COG6: variants seen among roughly 807,000 people sequenced by gnomAD.
COG6 encodes the protein component of oligomeric golgi complex 6, also known as conserved oligomeric Golgi complex subunit 6.
Under a neutral mutation model 88.8 loss-of-function variants are expected in COG6, and 74 were observed. The ratio of observed to expected loss-of-function variants is 0.83; its 90% CI spans 0.69 to 1.01. The LOEUF (loss-of-function observed/expected upper bound fraction) is 1.01, where lower values mean the gene tolerates loss of function less well. Among genes scored for constraint, COG6 ranks in the 50% least tolerant of loss-of-function variants. The pLI is 0.00. For missense variants in COG6, 800 were observed against 797.9 expected (o/e 1.00, Z -0.03); for synonymous variants, 286 against 278.7 (o/e 1.03, Z -0.26).
At position 39,686,006 on chromosome 13, in the gene COG6, A is replaced by C. The variant is rs77967109; in HGVS notation, c.789-1497A>C. On this transcript the variant is annotated intron_variant, in intron 8 of 18. Coordinates refer to ENST00000455146, the MANE Select transcript of COG6 (RefSeq NM_020751.3). Reference sequence around the variant, plus strand: ...TCCTAAATATTTATAGCTATTTGCCAGTTCTACAGACTTTCTCTTTGATTT... The same window carrying C: ...TCCTAAATATTTATAGCTATTTGCCCGTTCTACAGACTTTCTCTTTGATTT... 4.2e-3 allele frequency among the ~76,000 whole-genome samples: 645 copies of C among 152,340 alleles called. 6 individuals carry two copies. The highest frequency in any genetic ancestry group is 0.015 in the African/African-American group (605 of 41,580).
rs748588137 is a variant in COG6, at chr13:39,751,854, A to G, written c.*761A>G. The G allele has an allele frequency of 2.7e-5, 35 of 1,287,150 alleles. No homozygotes were observed. In the South Asian group the frequency reaches 4.2e-4, roughly 15 times the overall value. 79.7% of individuals were successfully genotyped at this position (1,287,150 alleles called of 1,614,324 possible). A position where few individuals can be genotyped will look rare whatever the true frequency, so the allele number is the denominator to read the frequency against. On this transcript the variant is annotated 3_prime_UTR_variant, in exon 19 of 19. Coordinates refer to ENST00000455146, the MANE Select transcript of COG6 (RefSeq NM_020751.3). The stretch of plus-strand genomic sequence containing the variant: ...TTTCCAATGAGCTCTAAGCATGTAG[A>G]TAGCCTGAGCTGTGTCTAAGCCTGG...
chr13:39,726,591 A>G (rs888729125), intron 17 of COG6, among the ~76,000 whole-genome samples: 7 of 151,942 alleles, frequency 4.6e-5, no homozygotes, highest in African/African-American at 1.2e-4. Flanking sequence ...TATTATTGCA[A>G]TCTTCCATTC....
rs1443416369 is a variant in COG6, at chr13:39,719,151, A to G, written c.1285-85A>G. 11 of 1,332,614 alleles carry G rather than the reference A, an allele frequency of 8.3e-6. No homozygotes were observed. The African/African-American group carries it at 1.2e-4, about 14-fold the overall frequency. 82.5% of individuals were successfully genotyped at this position (1,332,614 alleles called of 1,614,324 possible). A position where few individuals can be genotyped will look rare whatever the true frequency, so the allele number is the denominator to read the frequency against. On this transcript the variant is annotated intron_variant, in intron 13 of 18. Coordinates refer to ENST00000455146, the MANE Select transcript of COG6 (RefSeq NM_020751.3). The stretch of plus-strand genomic sequence containing the variant: ...TGAGTCTGTGCTTTATAACTTTTAC[A>G]TTTTTTTTTACTATGAACTTACATT...
exon 19 of COG6, chr13:39,788,399 T>C: frequency 6.5e-7 from 1 of 1,547,750 alleles, no homozygotes; most frequent in Non-Finnish European, 8.7e-7. Flanking sequence ...CTGGAGCCAT[T>C]CCAGTTGTGG....
At chr13:39,731,719 AT>A (rs1167208445) in intron 18 of COG6, among the ~76,000 whole-genome samples, 3 of 152,124 alleles carry the variant, frequency 2.0e-5, no homozygotes, top group African/African-American at 7.2e-5. Context: ...TAATGGAGTA[AT>A]TTTTTTGAGA....
intron 18 of COG6, among the ~76,000 whole-genome samples, chr13:39,761,585 A>G (rs528120000): frequency 6.6e-6 from 1 of 152,106 alleles, no homozygotes; most frequent in African/African-American, 2.4e-5. Flanking sequence ...TAATCAATAG[A>G]GTGAAGAGAC....
At chr13:39,719,394 T>C (rs1321725737) in intron 14 of COG6, 27 bp downstream of exon 14, 1 of 1,605,620 alleles carries the variant, frequency 6.2e-7, no homozygotes, top group Non-Finnish European at 8.5e-7. Flanking sequence ...TTTTTAATGA[T>C]TGTTTTTTGC....
intron 3 of COG6, among the ~76,000 whole-genome samples, chr13:39,664,555 G>A (rs1348185160): frequency 1.3e-5 from 2 of 152,200 alleles, no homozygotes; most frequent in Admixed American, 1.3e-4. Context: ...GAATTGCTTA[G>A]AATGAAAGTT....
chr13:39,672,316 A>G (rs530094463), intron 4 of COG6, among the ~76,000 whole-genome samples: 3 of 152,014 alleles, frequency 2.0e-5, no homozygotes, highest in African/African-American at 7.2e-5. Flanking sequence ...ATAAAATTAA[A>G]GTATATAGTT....
At chr13:39,728,499 T>C (rs560190657) in intron 18 of COG6, among the ~76,000 whole-genome samples, 147 of 151,936 alleles carry the variant, frequency 9.7e-4, no homozygotes, top group African/African-American at 3.1e-3. Flanking sequence ...GACACAGAGT[T>C]AGGAAAGTTC....
At chr13:39,713,835 TCTC>T (rs1200566316) in intron 13 of COG6, among the ~76,000 whole-genome samples, 2 of 152,228 alleles carry the variant, frequency 1.3e-5, no homozygotes, top group East Asian at 1.9e-4. Context: ...GTGAGCTATT[TCTC>T]CTCCTTAGAT....
In COG6 at chr13:39,682,205, C is replaced by A; in HGVS notation, c.729C>A (p.Asp243Glu). 1 of 1,612,124 alleles carries A rather than the reference C, an allele frequency of 6.2e-7. No homozygotes were observed. The highest frequency in any genetic ancestry group is 8.5e-7 in the Non-Finnish European group (1 of 1,178,380). Residue 243 changes from aspartate (D) to glutamate (E), a missense_variant, in exon 8 of 19, where the codon GAC becomes GAA. Transcript: ENST00000455146. The stretch of plus-strand genomic sequence containing the variant: ...GAACATTGACACAAGAATCATGTGA[C>A]GTATCTCCAGTATTGACACAGGCAA... ...ECRTLTQESC[D>E]VSPVLTQAME...
At chr13:39,696,163 T>A (rs1877263137) in intron 12 of COG6, among the ~76,000 whole-genome samples, 1 of 1,582 alleles carries the variant, frequency 6.3e-4, no homozygotes, top group Admixed American at 0.014. Flanking sequence ...TAAAATCTTT[T>A]TTTATTGATT....
intron 8 of COG6, among the ~76,000 whole-genome samples, chr13:39,683,300 G>T (rs1876428289): frequency 6.6e-6 from 1 of 152,194 alleles, no homozygotes; most frequent in African/African-American, 2.4e-5. Flanking sequence ...GTATTCTGGT[G>T]TAGGGGAAAG....
At chr13:39,707,896 G>C (rs1566189241) in intron 13 of COG6, among the ~76,000 whole-genome samples, 1 of 152,036 alleles carries the variant, frequency 6.6e-6, no homozygotes, top group Admixed American at 6.6e-5. Flanking sequence ...TATTTCTCTT[G>C]TATGTATGCC....
chr13:39,659,355 A>G lies in COG6; in HGVS notation c.154-9A>G, dbSNP rs1469486858. 1.2e-6 allele frequency: 2 copies of G among 1,612,878 alleles called. No individual in the cohort carries two copies. Among genetic ancestry groups the G allele is most frequent in the Non-Finnish European group, 1.7e-6 (2 of 1,179,270 alleles). On this transcript the variant is annotated splice_polypyrimidine_tract_variant and intron_variant, in intron 1 of 18. Transcript: ENST00000455146. ...TTCCAGTAACTGTCTTCTGTTACCAATTGTATAGGAGATGTTAGAAGCTCT... is the reference window on the plus strand; with the variant it reads ...TTCCAGTAACTGTCTTCTGTTACCAGTTGTATAGGAGATGTTAGAAGCTCT...
At chr13:39,684,087 T>C (rs988370227) in intron 8 of COG6, among the ~76,000 whole-genome samples, 11 of 151,950 alleles carry the variant, frequency 7.2e-5, no homozygotes, top group Non-Finnish European at 1.2e-4. Context: ...AGGAGATGAC[T>C]AGAAAGTTTT....
At chr13:39,674,615 G>A (rs1249135783) in intron 4 of COG6, among the ~76,000 whole-genome samples, 4 of 152,118 alleles carry the variant, frequency 2.6e-5, no homozygotes, top group African/African-American at 9.7e-5. Context: ...GCTTTGTGTG[G>A]TTTCCATTAC....
intron 18 of COG6, among the ~76,000 whole-genome samples, chr13:39,743,883 C>G (rs950206372): frequency 2.0e-5 from 3 of 152,134 alleles, no homozygotes; most frequent in African/African-American, 7.2e-5. Flanking sequence ...AATCCAGCAG[C>G]ACATCAAAAA....
Sources: allele counts gnomAD v4.1 joint callset (sites outside exome capture counted in the v4.1 genomes callset), GRCh38; gene constraint gnomAD v4.1.1; transcripts MANE v1.5; gene names NCBI Gene and HGNC (gene_info 2026-07-23, HGNC 2026-07-21).